Variants in MUC4 observed in about 807,000 individuals in gnomAD.
The protein encoded by MUC4 is mucin 4, cell surface associated, also known as mucin-4.
MUC4 carries 202 observed loss-of-function variants against 257.9 expected under a neutral mutation model. The observed-to-expected ratio is 0.78, with a 90% CI of 0.70 to 0.88. The LOEUF (loss-of-function observed/expected upper bound fraction) is 0.88, where lower values mean the gene tolerates loss of function less well. Among genes scored for constraint, MUC4 ranks in the 40% least tolerant of loss-of-function variants. MUC4 has a pLI of 0.00. For synonymous variants in MUC4, 2,351 were observed against 2,757.1 expected, an observed-to-expected ratio of 0.85 and a Z score of 4.62; for missense variants, 5,976 against 6,513.7, an observed-to-expected ratio of 0.92 and a Z score of 2.84.
In MUC4 at chr3:195,748,837, C is replaced by CA. The variant is rs1451706854; in HGVS notation, c.16034+64dup. The stretch of plus-strand genomic sequence containing the variant: ...GCCATCCTAATTCCTGGACCCCTTG[C>CA]AGTGTCTTGCCCAGCTTGGGTTCCC... On this transcript the variant is annotated intron_variant, in intron 24 of 24. Transcript: ENST00000463781. 1.6e-4 allele frequency: 239 copies of CA among 1,470,732 alleles called. No individual in the cohort carries two copies. In the Middle Eastern group the frequency reaches 2.0e-3, roughly 12 times the overall value. 91.1% of individuals were successfully genotyped at this position (1,470,732 alleles called of 1,614,324 possible).
intron 20 of MUC4, 105 bp downstream of exon 20, chr3:195,752,946 A>T (rs1414502776): frequency 1.9e-6 from 2 of 1,034,768 alleles, no homozygotes; most frequent in Non-Finnish European, 2.8e-6. Context: ...CTGTCCTGTG[A>T]CCCCAGAGCT....
At position 195,759,218 on chromosome 3, in the gene MUC4, G is replaced by A. The variant is rs1363695829; in HGVS notation, c.14892C>T (p.Ala4964=). 12 of 1,613,960 alleles carry A rather than the reference G, an allele frequency of 7.4e-6. No homozygotes were observed. Among genetic ancestry groups the A allele is most frequent in the Non-Finnish European group, 1.0e-5 (12 of 1,180,012 alleles). ...PSINGGRVIE[A]YKGQTTLIQY... is the part of the protein sequence containing the mutation. ...GAATCAGCGTGGTCTGCCCCTTGTA[G>A]GCTTCAATCACACGACCACCATTGA... Residue 4964 remains alanine, a synonymous_variant, in exon 17 of 25, where the codon GCC becomes GCT. Transcript: ENST00000463781.
chr3:195,765,306 C>T lies in MUC4; in HGVS notation c.13762G>A (p.Gly4588Arg). 6.2e-7 allele frequency: 1 copy of T among 1,613,656 alleles called. No homozygotes were observed. Among genetic ancestry groups the T allele is most frequent in the South Asian group, 1.1e-5 (1 of 91,046 alleles). The change falls in exon 9 of 25, where the codon GGA (glycine) becomes AGA (arginine). Residue 4588 changes from glycine to arginine, a missense_variant. This residue lies in a region of MUC4 where 996 missense variants were observed against 1,137.3 expected (regional missense o/e 0.88). Coordinates refer to ENST00000463781, the MANE Select transcript of MUC4 (RefSeq NM_018406.7). ...GGTTGGAATCGTAAGTCCCGTCGTC[C>T]CTGCTGCCAGGAACAAGGGCAGGAG... is the stretch of plus-strand genomic sequence containing the variant. ...QVSCPCSWQQ[G>R]RRDLRFQPVS... is the part of the protein sequence containing the mutation.
Position 195,790,132 on chromosome 3 carries a change from T to C in MUC4, c.1448A>G (p.His483Arg), listed in dbSNP as rs202179240. The C allele has an allele frequency of 1.7e-5, 27 of 1,613,908 alleles. No homozygotes were observed. The highest frequency in any genetic ancestry group is 2.3e-5 in the Non-Finnish European group (27 of 1,179,902). The change falls in exon 2 of 25, where the codon CAT (histidine) becomes CGT (arginine). Residue 483 changes from histidine (H) to arginine (R), a missense_variant. Physicochemically the swap from His to Arg is conservative, Grantham distance 29 (BLOSUM62 0). This residue lies in a region of MUC4 where 1,583 missense variants were observed against 1,257.4 expected (regional missense o/e 1.26). Coordinates refer to ENST00000463781, the MANE Select transcript of MUC4 (RefSeq NM_018406.7). ...TGAGGAAGGCCATGTTGTTGTTTCA[T>C]GTAGAGTAAATATTTCTTGAGACAC... ...PGVSQEIFTL[H>R]ETTTWPSSFS...
Position 195,763,504 on chromosome 3 carries a change from C to T in MUC4, c.14182G>A (p.Gly4728Ser), listed in dbSNP as rs1340394940. The change falls in exon 12 of 25, where the codon GGC (glycine) becomes AGC (serine). Residue 4728 changes from glycine (G) to serine (S), a missense_variant. Physicochemically the swap from Gly to Ser is moderately conservative, Grantham distance 56. This residue lies in a region of MUC4 where 996 missense variants were observed against 1,137.3 expected (regional missense o/e 0.88). Transcript: ENST00000463781. ...ATGAAGTTGGTGGCCTGGGCTGAGC[C>T]AGTCTGGGCGGTGCGGCCCTGAAGC... ...FLLQGRTAQT[G>S]SAQATNFIAF... The T allele has an allele frequency of 3.9e-6, 6 of 1,545,190 alleles. No individual in the cohort carries two copies. Among genetic ancestry groups the T allele is most frequent in the East Asian group, 4.9e-5 (2 of 41,230 alleles).
chr3:195,792,948 CAG>C, intron 1 of MUC4, among the ~76,000 whole-genome samples: 1 of 152,206 alleles, frequency 6.6e-6, no homozygotes, highest in East Asian at 1.9e-4. Flanking sequence ...CACATGGACA[CAG>C]AGAGGGGAAC....
chr3:195,771,330 C>T (rs1722830463), intron 5 of MUC4, among the ~76,000 whole-genome samples: 1 of 140,998 alleles, frequency 7.1e-6, no homozygotes, highest in Non-Finnish European at 1.5e-5. Context: ...CCTGGTCAGT[C>T]TCGTGGTTGG....
At chr3:195,778,559 C>G in intron 2 of MUC4, 104 bp from the exon 3 acceptor site, 3 of 1,463,842 alleles carry the variant, frequency 2.0e-6, no homozygotes, top group South Asian at 2.5e-5. Flanking sequence ...GCTGGAAACT[C>G]CTTGTCTCTC....
In MUC4 at chr3:195,766,867, C is replaced by T. The variant is rs1450384251; in HGVS notation, c.13530-116G>A. The stretch of plus-strand genomic sequence containing the variant: ...GCAGCTGGTCAACCAGCTAGGCGGG[C>T]AGTGGGTCAGTGGGTCAGCCAGCCC... On this transcript the variant is annotated intron_variant, in intron 7 of 24. Transcript: ENST00000463781. The T allele has an allele frequency of 5.3e-6, 4 of 760,516 alleles. No homozygotes were observed. In the Admixed American group the frequency reaches 8.2e-5, roughly 16 times the overall value. The allele number at this position is 760,516 out of a possible 1,614,324, so 47.1% of individuals were successfully genotyped here.
At chr3:195,763,795 G>A (rs974788205) in intron 11 of MUC4, among the ~76,000 whole-genome samples, 154 bp from the exon 12 acceptor site, 1 of 152,176 alleles carries the variant, frequency 6.6e-6, no homozygotes, top group Non-Finnish European at 1.5e-5. Flanking sequence ...GGACTCAGCT[G>A]GGGAGATGTT....
chr3:195,771,577 A>G, intron 5 of MUC4, 75 bp downstream of exon 5: 1 of 1,527,110 alleles, frequency 6.5e-7, no homozygotes, highest in Non-Finnish European at 8.9e-7. Flanking sequence ...AACTCTGGCA[A>G]AGCCTTCCAC....
At position 195,782,248 on chromosome 3, in the gene MUC4, G is replaced by A. The variant is rs776839221; in HGVS notation, c.9332C>T (p.Ser3111Phe). The A allele has an allele frequency of 1.3e-6, 2 of 1,529,202 alleles. No homozygotes were observed. The highest frequency in any genetic ancestry group is 1.8e-6 in the Non-Finnish European group (2 of 1,135,750). The allele number at this position is 1,529,202 out of a possible 1,614,324, so 94.7% of individuals were successfully genotyped here. ...DTTPLPVTSP[S>F]SASTGHTTPL... ...GGTGGTGTGACCTGTGGATGCTGAG[G>A]AAGGGCTAGTGACAGGAAGAGGCGT... is the stretch of plus-strand genomic sequence containing the variant. Residue 3111 changes from serine to phenylalanine, a missense_variant, in exon 2 of 25, where the codon TCC (serine) becomes TTC (phenylalanine). Around this residue, in one of 44 missense-constraint regions of MUC4, gnomAD observed 128 missense variants for 104.8 expected, o/e 1.22. Coordinates refer to ENST00000463781, the MANE Select transcript of MUC4 (RefSeq NM_018406.7).
Position 195,811,903 on chromosome 3 carries a change from C to A in MUC4, c.-86G>T. On this transcript the variant is annotated 5_prime_UTR_variant, in exon 1 of 25. The change creates a new upstream start codon in the 5' untranslated region. Transcript: ENST00000463781. ...TGAGGAGCAGACGTGAGCCCGTCCCCTCAGGCGGCTGGCCCGAACCAAGTG... is the reference window on the plus strand; with the variant it reads ...TGAGGAGCAGACGTGAGCCCGTCCCATCAGGCGGCTGGCCCGAACCAAGTG... 1 of 1,364,706 alleles carries A rather than the reference C, an allele frequency of 7.3e-7. No homozygotes were observed. Among genetic ancestry groups the A allele is most frequent in the East Asian group, 2.4e-5 (1 of 42,284 alleles). The allele number at this position is 1,364,706 out of a possible 1,614,324, so 84.5% of individuals were successfully genotyped here. A position where few individuals can be genotyped will look rare whatever the true frequency, so the allele number is the denominator to read the frequency against.
rs1008510599 is a variant in MUC4, at chr3:195,757,738, A to T, written c.14987-410T>A. Among the ~76,000 whole-genome samples, 5 of 151,664 alleles carry T rather than the reference A, an allele frequency of 3.3e-5. No individual in the cohort carries two copies. The highest frequency in any genetic ancestry group is 7.4e-5 in the Non-Finnish European group (5 of 67,900). On this transcript the variant is annotated intron_variant, in intron 17 of 24. Coordinates refer to ENST00000463781, the MANE Select transcript of MUC4 (RefSeq NM_018406.7). This position sits in a 1 kb window ranked among gnomAD's most constrained non-coding sequence, Gnocchi z 4.8. The stretch of plus-strand genomic sequence containing the variant: ...CACGGCAGCCCCATCCTTTGCCCTG[A>T]TTTCTCACCCACCCCCCACTTCCTG...
At chr3:195,753,655 A>G in intron 19 of MUC4, 1 of 237,824 alleles carries the variant, frequency 4.2e-6, no homozygotes, top group Non-Finnish European at 8.0e-6. Flanking sequence ...GGGCTTGGTA[A>G]AGGCCTCGCT....
chr3:195,777,707 A>T (rs1485215330), intron 3 of MUC4, among the ~76,000 whole-genome samples: 3 of 28,916 alleles, frequency 1.0e-4, no homozygotes, highest in African/African-American at 6.1e-4. Flanking sequence ...TTCCACACCC[A>T]TACCTTCCAC....
Position 195,747,026 on chromosome 3 carries a change from C to T in MUC4, c.*150G>A. ...CCTGCGCCTATGGATAAGGTATAGTCTTGTCTTGATTCCCAGTATTCATTC... is the reference window on the plus strand; with the variant it reads ...CCTGCGCCTATGGATAAGGTATAGTTTTGTCTTGATTCCCAGTATTCATTC... On this transcript the variant is annotated 3_prime_UTR_variant, in exon 25 of 25. Coordinates refer to ENST00000463781, the MANE Select transcript of MUC4 (RefSeq NM_018406.7). 8.7e-7 allele frequency: 1 copy of T among 1,144,164 alleles called. No individual in the cohort carries two copies. Among genetic ancestry groups the T allele is most frequent in the Non-Finnish European group, 1.3e-6 (1 of 794,382 alleles). The allele number at this position is 1,144,164 out of a possible 1,614,324, so 70.9% of individuals were successfully genotyped here.
intron 7 of MUC4, among the ~76,000 whole-genome samples, chr3:195,767,555 T>TCACCACCACCA (rs1721086711): frequency 1.4e-3 from 72 of 52,914 alleles, no homozygotes; most frequent in African/African-American, 1.6e-3. Flanking sequence ...ACCATCACCA[T>TCACCACCACCA]TACCATTGCC....
chr3:195,767,137 T>G (rs1720689444), intron 7 of MUC4, among the ~76,000 whole-genome samples: 1 of 152,106 alleles, frequency 6.6e-6, no homozygotes, highest in Non-Finnish European at 1.5e-5. Flanking sequence ...AAGACCCAGT[T>G]TCTGGAGTTA....
Sources: gnomAD v4.1 joint callset for allele counts (sites outside exome capture counted in the v4.1 genomes callset) on GRCh38, gnomAD v4.1.1 for gene constraint, gnomAD v4.1.1 regional missense constraint, Gnocchi (gnomAD v3.1) non-coding constraint, MANE v1.5 for transcripts, NCBI Gene and HGNC (gene_info 2026-07-23, HGNC 2026-07-21) for gene names.